Variants in NMU observed in about 807,000 individuals in gnomAD.
The protein encoded by NMU is neuromedin U.
NMU carries 29 observed loss-of-function variants against 35.4 expected under a neutral mutation model. The ratio of observed to expected loss-of-function variants is 0.82; its 90% confidence interval spans 0.61 to 1.12. NMU has a LOEUF of 1.12. Ranked by LOEUF, NMU falls within the 50% of genes most tolerant of loss-of-function variation. NMU has a pLI of 0.00. For synonymous variants in NMU, 78 were observed against 81.3 expected (o/e 0.96, Z 0.22); for missense variants, 199 against 206.2 (o/e 0.97, Z 0.21).
intron 7 of NMU, among the ~76,000 whole-genome samples, chr4:55,604,458 A>C (rs1283755642): frequency 1.3e-5 from 2 of 151,806 alleles, no homozygotes; most frequent in Non-Finnish European, 2.9e-5. Flanking sequence ...TGCTGGATTT[A>C]GGTCACATTT....
At chr4:55,601,485 A>G (rs975934998) in intron 7 of NMU, among the ~76,000 whole-genome samples, 3 of 152,098 alleles carry the variant, frequency 2.0e-5, no homozygotes, top group African/African-American at 7.2e-5. Context: ...CTTAATTTTC[A>G]TCTTTACTAT....
intron 3 of NMU, among the ~76,000 whole-genome samples, chr4:55,610,072 C>T (rs1392639753): frequency 6.6e-6 from 1 of 152,046 alleles, no homozygotes; most frequent in Non-Finnish European, 1.5e-5. Context: ...AGCTCTAAGT[C>T]GGGGATGACA....
At chr4:55,613,379 T>C (rs771296513) in intron 3 of NMU, among the ~76,000 whole-genome samples, 12 of 152,156 alleles carry the variant, frequency 7.9e-5, no homozygotes, top group South Asian at 2.1e-4. Flanking sequence ...TAAGAAACCA[T>C]AGGAAGATTT....
rs1301860995 is a variant in NMU, at chr4:55,636,043, G to T, written c.112+38C>A. ...GGTGAGTGGAGCCAGAGAGAGGCGC[G>T]CATGGCGTGGAAGCGGCCGGGTGCG... is the stretch of plus-strand genomic sequence containing the variant. On this transcript the variant is annotated intron_variant, in intron 1 of 9. Transcript: ENST00000264218. The surrounding 1 kb of genome is among the most constrained non-coding windows in gnomAD (Gnocchi z 4.0). 4.6e-6 allele frequency: 7 copies of T among 1,532,464 alleles called. No homozygotes were observed. Among genetic ancestry groups the T allele is most frequent in the Non-Finnish European group, 6.1e-6 (7 of 1,146,026 alleles). The allele number at this position is 1,532,464 out of a possible 1,614,324, so 94.9% of individuals were successfully genotyped here.
chr4:55,611,189 C>T (rs1179673593), intron 3 of NMU, among the ~76,000 whole-genome samples: 1 of 151,968 alleles, frequency 6.6e-6, no homozygotes, highest in Non-Finnish European at 1.5e-5. Context: ...TAGCAAGATC[C>T]TGTCTCTACA....
chr4:55,629,728 T>C (rs535843902), intron 2 of NMU, among the ~76,000 whole-genome samples: 1 of 152,120 alleles, frequency 6.6e-6, no homozygotes, highest in East Asian at 1.9e-4. Flanking sequence ...TGTATGATTA[T>C]GTCGTTGTTA....
intron 8 of NMU, 93 bp from the exon 9 acceptor site, chr4:55,599,274 C>G (rs561288200): frequency 6.0e-6 from 6 of 997,188 alleles, no homozygotes; most frequent in Non-Finnish European, 9.7e-6. Context: ...GAGTGTTTAA[C>G]GTGCATCACA....
chr4:55,602,486 C>T (rs529423266), intron 7 of NMU, among the ~76,000 whole-genome samples: 4 of 152,124 alleles, frequency 2.6e-5, no homozygotes, highest in Admixed American at 1.3e-4. Flanking sequence ...ATGGAAAATT[C>T]AGTCAATGTA....
chr4:55,605,092 T>C (rs1045593018), intron 7 of NMU, among the ~76,000 whole-genome samples, 183 bp downstream of exon 7: 2 of 152,120 alleles, frequency 1.3e-5, no homozygotes, highest in African/African-American at 4.8e-5. Flanking sequence ...CAGGGGGCCA[T>C]GGAAGGGCGG....
chr4:55,619,995 C>A (rs1442904891), intron 2 of NMU, among the ~76,000 whole-genome samples: 3 of 149,192 alleles, frequency 2.0e-5, no homozygotes, highest in African/African-American at 7.4e-5. Context: ...AAAGGACATC[C>A]ACACCGAAAA....
rs559497469 is a variant in NMU at position 55,636,209 on chromosome 4, G to A, written c.-17C>T. ...TCGCAGCATCTCGGCGGCTGCGGGA[G>A]GCTCGGTGCTAGGGACGCTGCGCTG... On this transcript the variant is annotated 5_prime_UTR_variant, in exon 1 of 10. Transcript: ENST00000264218. The surrounding 1 kb of genome is among the most constrained non-coding windows in gnomAD (Gnocchi z 4.0). 1.2e-5 allele frequency: 18 copies of A among 1,476,844 alleles called. No individual in the cohort carries two copies. The highest frequency in any genetic ancestry group is 2.6e-5 in the East Asian group (1 of 39,154). The allele number at this position is 1,476,844 out of a possible 1,614,324, so 91.5% of individuals were successfully genotyped here. A position where few individuals can be genotyped will look rare whatever the true frequency, so the allele number is the denominator to read the frequency against.
At chr4:55,627,583 A>C (rs1734584183) in intron 2 of NMU, among the ~76,000 whole-genome samples, 1 of 152,158 alleles carries the variant, frequency 6.6e-6, no homozygotes. Context: ...TACTCCATAA[A>C]TTTAGAGTGT....
chr4:55,596,316 A>T (rs1733178615), intron 9 of NMU, among the ~76,000 whole-genome samples: 1 of 151,296 alleles, frequency 6.6e-6, no homozygotes, highest in Non-Finnish European at 1.5e-5. Context: ...TGGACACCCT[A>T]ATCTTGAAAA....
intron 3 of NMU, among the ~76,000 whole-genome samples, chr4:55,610,565 G>A (rs1022683094): frequency 6.6e-6 from 1 of 152,124 alleles, no homozygotes; most frequent in Non-Finnish European, 1.5e-5. Flanking sequence ...GACATGGTTG[G>A]TTGTGGTTAG....
chr4:55,619,840 C>T (rs1026832122), intron 2 of NMU, among the ~76,000 whole-genome samples: 6 of 141,468 alleles, frequency 4.2e-5, no homozygotes, highest in African/African-American at 1.5e-4. Flanking sequence ...ACTGCCTCCT[C>T]AAGTGGGTCC....
At chr4:55,597,840 T>A (rs1400436609) in intron 9 of NMU, among the ~76,000 whole-genome samples, 1 of 152,154 alleles carries the variant, frequency 6.6e-6, no homozygotes, top group East Asian at 1.9e-4. Context: ...TACTCTTTCA[T>A]GATTTTTATT....
intron 3 of NMU, among the ~76,000 whole-genome samples, chr4:55,612,428 T>A (rs1235521631): frequency 6.6e-6 from 1 of 152,122 alleles, no homozygotes; most frequent in Non-Finnish European, 1.5e-5. Flanking sequence ...GCTCCACTTA[T>A]GCTCATTTCA....
intron 1 of NMU, among the ~76,000 whole-genome samples, chr4:55,632,946 A>C (rs1715685994): frequency 6.6e-6 from 1 of 151,364 alleles, no homozygotes; most frequent in South Asian, 2.1e-4. Context: ...CTTCTAAAAA[A>C]CACGTAAACA....
chr4:55,608,417 GT>G (rs1014772686), intron 4 of NMU, among the ~76,000 whole-genome samples: 7 of 151,958 alleles, frequency 4.6e-5, no homozygotes, highest in Non-Finnish European at 7.4e-5. Context: ...AATTATGAAT[GT>G]TTTTTTCTTT....
Sources: allele counts gnomAD v4.1 joint callset (sites outside exome capture counted in the v4.1 genomes callset), GRCh38; gene constraint gnomAD v4.1.1; non-coding constraint Gnocchi (gnomAD v3.1); transcripts MANE v1.5; gene names NCBI Gene and HGNC (gene_info 2026-07-23, HGNC 2026-07-21).